Variants in MAMSTR observed in about 807,000 individuals in gnomAD.
MAMSTR encodes MEF2-activating motif and SAP domain-containing transcriptional regulator.
Under a neutral mutation model 42.7 loss-of-function variants are expected in MAMSTR, and 41 were observed. The ratio of observed to expected loss-of-function variants is 0.96; its 90% CI spans 0.75 to 1.25. The LOEUF (loss-of-function observed/expected upper bound fraction) is 1.25. MAMSTR is among the 50% of genes most tolerant of loss of function. The probability of loss-of-function intolerance (pLI) is 0.00; values close to 1 mark genes in which losing one functional copy is unlikely to be tolerated. For missense variants in MAMSTR, 567 were observed against 557.6 expected (o/e 1.02, Z -0.17); for synonymous variants, 265 against 244.1 (o/e 1.09, Z -0.80).
rs779092331 is a variant in MAMSTR, at chr19:48,714,811, G to A, written c.523C>T (p.Leu175=). Residue 175 remains leucine (L), a synonymous_variant, in exon 6 of 10, where the codon CTG becomes TTG. Transcript: ENST00000318083. ...LELQTLKLEE[L]TVSELRQQLR... ...AAGTTACACCCCAAACTCACCGTCA[G>A]CTCCTCCAGTTTAAGGGTCTGAAGT... 6.2e-7 allele frequency: 1 copy of A among 1,606,230 alleles called. No individual in the cohort carries two copies. Among genetic ancestry groups the A allele is most frequent in the Non-Finnish European group, 8.5e-7 (1 of 1,172,794 alleles).
chr19:48,709,196 T>C (rs2032692360), downstream of MAMSTR, among the ~76,000 whole-genome samples: 1 of 152,084 alleles, frequency 6.6e-6, no homozygotes, highest in African/African-American at 2.4e-5. Context: ...AGGCTGAGAC[T>C]GGAGTGCAGC....
Position 48,716,028 on chromosome 19 carries a change from C to A in MAMSTR, c.98-261G>T, listed in dbSNP as rs1052080744. 7 of 1,168,846 alleles carry A rather than the reference C, an allele frequency of 6.0e-6. No individual in the cohort carries two copies. The East Asian group carries it at 2.5e-4, about 41-fold the overall frequency. 72.4% of individuals were successfully genotyped at this position (1,168,846 alleles called of 1,614,324 possible). On this transcript the variant is annotated intron_variant, in intron 3 of 9. Coordinates refer to ENST00000318083, the MANE Select transcript of MAMSTR (RefSeq NM_001130915.2). ...AGGATCACAGATGTCTGAGGTTTTGCTAGGACAGGGGTGGGGCCTGCACTC... is the reference window on the plus strand; with the variant it reads ...AGGATCACAGATGTCTGAGGTTTTGATAGGACAGGGGTGGGGCCTGCACTC...
At chr19:48,710,612 T>G (rs2032708339), downstream of MAMSTR, among the ~76,000 whole-genome samples, 1 of 150,000 alleles carries the variant, frequency 6.7e-6, no homozygotes, top group Admixed American at 6.7e-5. Flanking sequence ...TTTTTTTTTT[T>G]TTGAGATGGA....
intron 2 of MAMSTR, 72 bp from the exon 3 acceptor site, chr19:48,716,815 G>A: frequency 7.9e-7 from 1 of 1,263,968 alleles, no homozygotes; most frequent in Non-Finnish European, 1.0e-6. Context: ...CTGGCAGGCT[G>A]GTGGGAGCTG....
chr19:48,706,761 G>A, the MAMSTR span, among the ~76,000 whole-genome samples: 37 of 152,032 alleles, frequency 2.4e-4, no homozygotes, highest in Non-Finnish European at 4.1e-4. Flanking sequence ...TAGGAGATAC[G>A]ATCCCTGCTC....
chr19:48,718,908 T>TACCACCCCACCCA, intron 2 of MAMSTR, 66 bp downstream of exon 2: 1 of 581,238 alleles, frequency 1.7e-6, no homozygotes, highest in Non-Finnish European at 3.1e-6. Flanking sequence ...CACCCCTCCC[T>TACCACCCCACCCA]TCCCACCCCA....
chr19:48,707,901 A>AAAGGAAAGAAAGAAAGGAAGG (rs2032676832), downstream of MAMSTR, among the ~76,000 whole-genome samples: 5 of 128,450 alleles, frequency 3.9e-5, 1 homozygote, highest in African/African-American at 6.0e-5. Flanking sequence ...AGAAAGAAAG[A>AAAGGAAAGAAAGAAAGGAAGG]AAGGAAGAAA....
intron 2 of MAMSTR, among the ~76,000 whole-genome samples, chr19:48,718,090 G>A (rs2033114135): frequency 6.6e-6 from 1 of 152,140 alleles, no homozygotes; most frequent in South Asian, 2.1e-4. Flanking sequence ...TGATCCACCT[G>A]CCTTGGCCTC....
At chr19:48,715,860 C>A (rs766494000) in intron 3 of MAMSTR, 93 bp from the exon 4 acceptor site, 99 of 1,480,694 alleles carry the variant, frequency 6.7e-5, no homozygotes, top group Non-Finnish European at 8.3e-5. Context: ...TCCAGGGTGC[C>A]GGAGGGCAGG....
the MAMSTR span, chr19:48,705,939 T>A: frequency 6.1e-6 from 1 of 164,594 alleles, no homozygotes. Flanking sequence ...CAATTATGAC[T>A]TTGCGGATGG....
rs759668909 is a variant in MAMSTR at position 48,719,026 on chromosome 19, G to A, written c.6C>T (p.Thr2=). The A allele has an allele frequency of 7.1e-6, 11 of 1,551,286 alleles. No homozygotes were observed. Among genetic ancestry groups the A allele is most frequent in the Non-Finnish European group, 8.7e-6 (10 of 1,146,910 alleles). M[T]LAASSQRSQI... ...GGGAACGCTGGGAGGAAGCCGCCAG[G>A]GTCATTGCCAAGGCCGGGATGGGGA... is the stretch of plus-strand genomic sequence containing the variant. Residue 2 remains threonine (T), a synonymous_variant, in exon 2 of 10, where the codon ACC becomes ACT. Transcript: ENST00000318083. The surrounding 1 kb of genome is among the most constrained non-coding windows in gnomAD (Gnocchi z 4.4).
chr19:48,713,932 G>T lies in MAMSTR; in HGVS notation c.837C>A (p.Thr279=), dbSNP rs1252982587. ...CCGCTGAGCCCGGCCCTGAGGAAGGGGTCAGGGCTGGAGCTGCAGCAGGAG... is the reference window on the plus strand; with the variant it reads ...CCGCTGAGCCCGGCCCTGAGGAAGGTGTCAGGGCTGGAGCTGCAGCAGGAG... The part of the protein sequence containing the change: ...TPAPAAAPAL[T]PSSGPGSAAL... The change falls in exon 8 of 10, where the codon ACC becomes ACA. Residue 279 remains threonine (T), a synonymous_variant. Transcript: ENST00000318083. 5 of 1,613,236 alleles carry T rather than the reference G, an allele frequency of 3.1e-6. No homozygotes were observed. Among genetic ancestry groups the T allele is most frequent in the Admixed American group, 1.7e-5 (1 of 59,988 alleles).
chr19:48,715,947 T>C, intron 3 of MAMSTR, 180 bp from the exon 4 acceptor site: 1 of 1,400,124 alleles, frequency 7.1e-7, no homozygotes, highest in Non-Finnish European at 9.2e-7. Context: ...GGGGCTCCGG[T>C]TGCTACATTC....
In MAMSTR at chr19:48,713,532, G is replaced by T; in HGVS notation, c.983C>A (p.Pro328His). ...GTCGAAGGAGCCAGGGAAGTCCAGG[G>T]GAATAGGGGGCAGGGGGTCTGCGGG... ...VEPDDPLPPIPLDFPGSFDVL... is the reference protein window; with the variant it reads ...VEPDDPLPPIHLDFPGSFDVL... Residue 328 changes from proline (P) to histidine (H), a missense_variant, in exon 10 of 10, where the codon CCC becomes CAC. Coordinates refer to ENST00000318083, the MANE Select transcript of MAMSTR (RefSeq NM_001130915.2). The T allele has an allele frequency of 6.2e-7, 1 of 1,611,880 alleles. No individual in the cohort carries two copies. Among genetic ancestry groups the T allele is most frequent in the Non-Finnish European group, 8.5e-7 (1 of 1,179,344 alleles).
downstream of MAMSTR, among the ~76,000 whole-genome samples, chr19:48,710,274 ATT>A (rs55986068): frequency 7.0e-6 from 1 of 143,098 alleles, no homozygotes. Flanking sequence ...CTGGCTAATT[ATT>A]TTTTTTTTTT....
Position 48,713,810 on chromosome 19 carries a change from C to T in MAMSTR, c.910-40G>A, listed in dbSNP as rs1178071533. On this transcript the variant is annotated intron_variant, in intron 8 of 9. Transcript: ENST00000318083. ...ATTTGGCGTGAACTCGGGACTGCGA[C>T]CTGGACCTGACTGGAGAACCCTAGC... 5 of 1,614,106 alleles carry T rather than the reference C, an allele frequency of 3.1e-6. No homozygotes were observed. In the African/African-American group the frequency reaches 5.3e-5, roughly 17 times the overall value.
In MAMSTR at chr19:48,712,928, C is replaced by T. The variant is rs2032770633; in HGVS notation, c.*339G>A. ...TGCATCCAAAAGGCATAACCACCTTCCAGGCTCCCCAAACAACAGGGAGCC... is the reference window on the plus strand; with the variant it reads ...TGCATCCAAAAGGCATAACCACCTTTCAGGCTCCCCAAACAACAGGGAGCC... On this transcript the variant is annotated 3_prime_UTR_variant, in exon 10 of 10. Coordinates refer to ENST00000318083, the MANE Select transcript of MAMSTR (RefSeq NM_001130915.2). 4 of 221,166 alleles carry T rather than the reference C, an allele frequency of 1.8e-5. No individual in the cohort carries two copies. The highest frequency in any genetic ancestry group is 8.8e-6 in the Non-Finnish European group (1 of 113,984). The allele number at this position is 221,166 out of a possible 1,614,324, so 13.7% of individuals were successfully genotyped here.
rs575572007 is a variant in MAMSTR, at chr19:48,719,526, T to G, written c.-22+153A>C. 1.7e-3 allele frequency among the ~76,000 whole-genome samples: 252 copies of G among 152,136 alleles called. No individual in the cohort carries two copies. The highest frequency in any genetic ancestry group is 2.8e-3 in the Non-Finnish European group (191 of 67,968). ...GAGAGGGGAACGGGGCCCTGACAGG[T>G]TTCTGAGGAATAGAAGGGCCCCTGT... On this transcript the variant is annotated intron_variant, in intron 1 of 9. Coordinates refer to ENST00000318083, the MANE Select transcript of MAMSTR (RefSeq NM_001130915.2). The surrounding 1 kb of genome is among the most constrained non-coding windows in gnomAD (Gnocchi z 4.4).
downstream of MAMSTR, among the ~76,000 whole-genome samples, chr19:48,711,559 GTTGTTTGTTTGT>G (rs57913334): frequency 0.016 from 2,449 of 150,406 alleles, 55 homozygotes; most frequent in African/African-American, 0.055. Flanking sequence ...GTGGGTTTTT[GTTGTTTGTTTGT>G]TTGTTTGTTT....
Sources: gnomAD v4.1 joint callset for allele counts (sites outside exome capture counted in the v4.1 genomes callset) on GRCh38, gnomAD v4.1.1 for gene constraint, Gnocchi (gnomAD v3.1) non-coding constraint, MANE v1.5 for transcripts, NCBI Gene and HGNC (gene_info 2026-07-23, HGNC 2026-07-21) for gene names.